CREB5: variants seen among roughly 807,000 people sequenced by gnomAD.
CREB5 encodes the protein cAMP responsive element binding protein 5.
A neutral mutation model predicts 57.1 loss-of-function variants in CREB5; 19 were observed. The ratio of observed to expected loss-of-function variants is 0.33; its 90% CI spans 0.23 to 0.49. The LOEUF (loss-of-function observed/expected upper bound fraction) is 0.49. Among genes scored for constraint, CREB5 ranks in the 20% least tolerant of loss-of-function variants. The pLI is 0.99. For synonymous variants in CREB5, 238 were observed against 238.3 expected (o/e 1.00, Z 0.01); for missense variants, 579 against 671.6 (o/e 0.86, Z 1.52).
At chr7:28,368,779 G>A (rs1786641638) in intron 1 of CREB5, among the ~76,000 whole-genome samples, 1 of 152,118 alleles carries the variant, frequency 6.6e-6, no homozygotes, top group South Asian at 2.1e-4. Context: ...GGGCCAAGTG[G>A]CCCACGCCTG....
In CREB5 at chr7:28,484,316, T is replaced by C. The variant is rs530976509; in HGVS notation, c.4-3859T>C. 2.0e-5 allele frequency among the ~76,000 whole-genome samples: 3 copies of C among 152,236 alleles called. No homozygotes were observed. The East Asian group carries it at 5.8e-4, about 29-fold the overall frequency. Reference sequence around the variant, plus strand: ...AGAAAAGAACCATAATAATAGACCATAAAAATAAACCATGGCTCTTGACTA... The same window carrying C: ...AGAAAAGAACCATAATAATAGACCACAAAAATAAACCATGGCTCTTGACTA... On this transcript the variant is annotated intron_variant, in intron 1 of 10. Coordinates refer to ENST00000357727, the MANE Select transcript of CREB5 (RefSeq NM_182898.4).
intron 5 of CREB5, among the ~76,000 whole-genome samples, chr7:28,611,672 CTAAATAAATAAATAAATAAA>C (rs111666594): frequency 1.5e-5 from 2 of 135,282 alleles, no homozygotes; most frequent in African/African-American, 2.8e-5. Flanking sequence ...ACTCTGTCTC[CTAAATAAATAAATAAATAAA>C]TAAATAAATA....
chr7:28,765,766 C>T (rs2128772558), intron 7 of CREB5, among the ~76,000 whole-genome samples: 1 of 152,306 alleles, frequency 6.6e-6, no homozygotes, highest in African/African-American at 2.4e-5. Flanking sequence ...TTACGGTGGG[C>T]ACACTGTAAT....
intron 5 of CREB5, among the ~76,000 whole-genome samples, chr7:28,674,055 T>C (rs141782439): frequency 1.2e-3 from 183 of 152,210 alleles, no homozygotes; most frequent in African/African-American, 4.2e-3. Context: ...GCATCCATGG[T>C]AAAAGGACAG....
Position 28,453,700 on chromosome 7 carries a change from C to T in CREB5, c.4-34475C>T, listed in dbSNP as rs370930243. Among the ~76,000 whole-genome samples the T allele has an allele frequency of 8.4e-4, 128 of 152,312 alleles. 3 individuals carry two copies. The South Asian group carries it at 0.026, about 31-fold the overall frequency. On this transcript the variant is annotated intron_variant, in intron 1 of 10. Coordinates refer to ENST00000357727, the MANE Select transcript of CREB5 (RefSeq NM_182898.4). ...ACAAAATGAAACACCCCAACAATTT[C>T]CCCAAGGCCCTTGAAGCAGGGCCTG...
chr7:28,663,137 T>C (rs1436353534), intron 5 of CREB5, among the ~76,000 whole-genome samples: 1 of 74,958 alleles, frequency 1.3e-5, no homozygotes, highest in Non-Finnish European at 2.8e-5. Context: ...AGAGCAAGAT[T>C]CCATCTCAAA....
At position 28,507,668 on chromosome 7, in the gene CREB5, C is replaced by T. The variant is rs778473920; in HGVS notation, c.222C>T (p.Leu74=). The T allele has an allele frequency of 3.7e-6, 6 of 1,612,862 alleles. No homozygotes were observed. Among genetic ancestry groups the T allele is most frequent in the East Asian group, 4.5e-5 (2 of 44,840 alleles). The change falls in exon 4 of 11, where the codon CTC becomes CTT. Residue 74 remains leucine (L), a synonymous_variant. Transcript: ENST00000357727. ...RFLKNCEEVG[L]FSELDCSLEH... is the part of the protein sequence containing the mutation. Reference sequence around the variant, plus strand: ...TGAAGAACTGCGAGGAGGTGGGCCTCTTCAGCGAGCTGGACTGCTCCCTGG... The same window carrying T: ...TGAAGAACTGCGAGGAGGTGGGCCTTTTCAGCGAGCTGGACTGCTCCCTGG...
chr7:28,479,316 C>A (rs1351754119), intron 1 of CREB5, among the ~76,000 whole-genome samples: 2 of 152,210 alleles, frequency 1.3e-5, no homozygotes, highest in Non-Finnish European at 2.9e-5. Context: ...CCCCTTCCCA[C>A]TAAATGCCAG....
At chr7:28,620,988 G>T (rs1562531593) in intron 5 of CREB5, among the ~76,000 whole-genome samples, 1 of 152,164 alleles carries the variant, frequency 6.6e-6, no homozygotes, top group Non-Finnish European at 1.5e-5. Flanking sequence ...AATCCAAAAA[G>T]TTATGTTAAA....
chr7:28,777,463 A>G (rs991005832), intron 7 of CREB5, among the ~76,000 whole-genome samples: 1 of 152,236 alleles, frequency 6.6e-6, no homozygotes, highest in African/African-American at 2.4e-5. Flanking sequence ...GCTCTGATAT[A>G]TAAAGACTAG....
intron 7 of CREB5, among the ~76,000 whole-genome samples, chr7:28,729,034 G>A (rs1444606678): frequency 6.6e-6 from 1 of 152,134 alleles, no homozygotes; most frequent in Non-Finnish European, 1.5e-5. Context: ...GACTGGTCAT[G>A]CTGTATTTTG....
intron 5 of CREB5, among the ~76,000 whole-genome samples, chr7:28,618,227 C>A (rs551340006): frequency 6.6e-6 from 1 of 152,214 alleles, no homozygotes; most frequent in South Asian, 2.1e-4. Flanking sequence ...GCTTCCATTT[C>A]TTTCTTAAAG....
At position 28,796,971 on chromosome 7, in the gene CREB5, G is replaced by A. The variant is rs182588331; in HGVS notation, c.703-7228G>A. On this transcript the variant is annotated intron_variant, in intron 7 of 10. Transcript: ENST00000357727. ...CTGAATTATAAAAGACAGCCACTGA[G>A]TCCAAGAGACGCAGGGAAGTGGTAT... is the stretch of plus-strand genomic sequence containing the variant. Among the ~76,000 whole-genome samples the A allele has an allele frequency of 1.7e-4, 26 of 152,310 alleles. No homozygotes were observed. In the East Asian group the frequency reaches 4.6e-3, roughly 27 times the overall value.
chr7:28,511,468 T>C (rs1016154959), intron 4 of CREB5, among the ~76,000 whole-genome samples: 2 of 152,024 alleles, frequency 1.3e-5, no homozygotes, highest in Non-Finnish European at 2.9e-5. Context: ...CTGAGTGAGA[T>C]GGGAAACTAT....
At chr7:28,349,257 T>C (rs1378923011) in intron 1 of CREB5, among the ~76,000 whole-genome samples, 1 of 152,178 alleles carries the variant, frequency 6.6e-6, no homozygotes, top group Non-Finnish European at 1.5e-5. Flanking sequence ...TAAAAGAAAA[T>C]ATCAAAGTGC....
intron 1 of CREB5, among the ~76,000 whole-genome samples, chr7:28,474,689 T>C (rs1461042225): frequency 1.3e-5 from 2 of 152,174 alleles, no homozygotes; most frequent in Non-Finnish European, 2.9e-5. Context: ...ATTTAAATAA[T>C]GCTATCACTT....
chr7:28,743,723 T>C (rs1056199248), intron 7 of CREB5, among the ~76,000 whole-genome samples: 7 of 151,870 alleles, frequency 4.6e-5, no homozygotes, highest in African/African-American at 1.7e-4. Flanking sequence ...TCCAGAGGGC[T>C]GTGCGGGGAA....
chr7:28,743,373 A>G (rs1348980502), intron 7 of CREB5, among the ~76,000 whole-genome samples: 2 of 152,238 alleles, frequency 1.3e-5, no homozygotes, highest in East Asian at 3.9e-4. Flanking sequence ...TCTCTACAAA[A>G]AATACAAAAA....
At chr7:28,814,920 AT>A (rs1416219975) in intron 9 of CREB5, among the ~76,000 whole-genome samples, 9 of 152,176 alleles carry the variant, frequency 5.9e-5, no homozygotes, top group African/African-American at 2.2e-4. Flanking sequence ...GAGGACATTA[AT>A]TGGTGTTCAT....
Sources: allele counts gnomAD v4.1 joint callset (sites outside exome capture counted in the v4.1 genomes callset), GRCh38; gene constraint gnomAD v4.1.1; transcripts MANE v1.5; gene names NCBI Gene and HGNC (gene_info 2026-07-23, HGNC 2026-07-21).